Variants in TEX15 observed in about 807,000 individuals in gnomAD.
The protein encoded by TEX15 is testis-expressed protein 15.
TEX15 carries 171 observed loss-of-function variants against 237.3 expected under a neutral mutation model. The observed-to-expected ratio is 0.72, with a 90% CI of 0.64 to 0.82. The LOEUF is 0.82. TEX15 is among the 40% of genes least tolerant of loss of function. The pLI is 0.00. For synonymous variants in TEX15, 1,338 were observed against 1,269.8 expected (o/e 1.05, Z -1.14); for missense variants, 3,750 against 3,646.5 (o/e 1.03, Z -0.73).
intron 1 of TEX15, among the ~76,000 whole-genome samples, chr8:30,909,546 A>C (rs1234727352): frequency 6.6e-6 from 1 of 152,174 alleles, no homozygotes; most frequent in African/African-American, 2.4e-5. Context: ...TAAGCAAAGT[A>C]GTTCATTAAA....
chr8:30,845,686 C>G lies in TEX15; in HGVS notation c.4481G>C (p.Ser1494Thr). The change falls in exon 8 of 11, where the codon AGC (serine) becomes ACC (threonine). Residue 1494 changes from serine to threonine, a missense_variant. Transcript: ENST00000643185. ...GGTGGGGTGACTTTTTGAGACACTG[C>G]TAGCCATACTTTTCCTAGAAAGGCA... ...KKCLSRKSMA[S>T]SVSKSHPTTS... 1 of 1,613,150 alleles carries G rather than the reference C, an allele frequency of 6.2e-7. No individual in the cohort carries two copies. Among genetic ancestry groups the G allele is most frequent in the Non-Finnish European group, 8.5e-7 (1 of 1,179,528 alleles).
intron 4 of TEX15, among the ~76,000 whole-genome samples, chr8:30,871,881 A>T (rs1053450722): frequency 1.3e-5 from 2 of 152,154 alleles, no homozygotes; most frequent in Non-Finnish European, 2.9e-5. Context: ...GGTTTAAATT[A>T]TCTAAACCCA....
At chr8:30,879,428 CA>C (rs1433632706) in intron 3 of TEX15, among the ~76,000 whole-genome samples, 1 of 152,158 alleles carries the variant, frequency 6.6e-6, no homozygotes, top group East Asian at 1.9e-4. Flanking sequence ...CATTTAAGCC[CA>C]AGGTTCATTC....
rs1807484947 is a variant in TEX15, at chr8:30,842,557, G to A, written c.7610C>T (p.Ala2537Val). The change falls in exon 8 of 11, where the codon GCT becomes GTT. Residue 2537 changes from alanine (A) to valine (V), a missense_variant. Coordinates refer to ENST00000643185, the MANE Select transcript of TEX15 (RefSeq NM_001350162.2). ...AAGTTCTCTTGAGAGCAAATGAATA[G>A]CATATGAGCAATTAACAGCTTCATT... ...KYNEAVNCSY[A>V]IHLLSRELQE... 1 of 1,610,542 alleles carries A rather than the reference G, an allele frequency of 6.2e-7. No individual in the cohort carries two copies. The highest frequency in any genetic ancestry group is 1.1e-5 in the South Asian group (1 of 90,770).
At chr8:30,902,134 A>T (rs1809018565) in intron 1 of TEX15, among the ~76,000 whole-genome samples, 2 of 152,014 alleles carry the variant, frequency 1.3e-5, no homozygotes. Context: ...GGTGATTCTG[A>T]TGTAAGATAA....
intron 3 of TEX15, among the ~76,000 whole-genome samples, chr8:30,884,995 C>A (rs749359517): frequency 6.6e-6 from 1 of 152,056 alleles, no homozygotes; most frequent in African/African-American, 2.4e-5. Flanking sequence ...ACTGCTTTTG[C>A]TTTATCCTAC....
chr8:30,851,394 C>T (rs186189394), intron 7 of TEX15, among the ~76,000 whole-genome samples: 48 of 152,270 alleles, frequency 3.2e-4, no homozygotes, highest in East Asian at 3.1e-3. Context: ...CTTTGGGAGG[C>T]GGAGGCGGGC....
intron 7 of TEX15, among the ~76,000 whole-genome samples, 198 bp from the exon 8 acceptor site, chr8:30,849,514 G>T (rs1484450150): frequency 1.3e-5 from 2 of 152,114 alleles, no homozygotes; most frequent in African/African-American, 4.8e-5. Flanking sequence ...GACGTAGCAT[G>T]AAATTCTCCT....
intron 1 of TEX15, among the ~76,000 whole-genome samples, chr8:30,912,124 C>G (rs915886809): frequency 2.2e-4 from 33 of 152,336 alleles, no homozygotes; most frequent in Admixed American, 7.2e-4. Context: ...CCAGCTACCC[C>G]CGCGCCGCCC....
chr8:30,852,556 T>A (rs559536605), intron 7 of TEX15, among the ~76,000 whole-genome samples: 2 of 152,188 alleles, frequency 1.3e-5, no homozygotes, highest in Admixed American at 6.6e-5. Flanking sequence ...TCCCTTTTTG[T>A]TGGCATTCTC....
intron 3 of TEX15, among the ~76,000 whole-genome samples, chr8:30,884,118 T>G (rs901839464): frequency 6.6e-6 from 1 of 152,232 alleles, no homozygotes; most frequent in Admixed American, 6.5e-5. Flanking sequence ...CCTCAGGGCA[T>G]GAGCCACAGT....
At chr8:30,869,569 A>G (rs946073415) in intron 4 of TEX15, among the ~76,000 whole-genome samples, 2 of 151,932 alleles carry the variant, frequency 1.3e-5, no homozygotes, top group Non-Finnish European at 2.9e-5. Flanking sequence ...AGGAAGCATA[A>G]AGAGACAACT....
intron 1 of TEX15, among the ~76,000 whole-genome samples, chr8:30,909,008 T>C (rs1390216013): frequency 6.6e-6 from 1 of 152,212 alleles, no homozygotes; most frequent in African/African-American, 2.4e-5. Context: ...AACGTGTAAA[T>C]GTACCAGAGC....
At chr8:30,851,838 G>A (rs1438669558) in intron 7 of TEX15, among the ~76,000 whole-genome samples, 1 of 151,878 alleles carries the variant, frequency 6.6e-6, no homozygotes. Flanking sequence ...GGAGGCTGAG[G>A]TGGGAGGATT....
At chr8:30,880,861 T>C (rs1211625778) in intron 3 of TEX15, among the ~76,000 whole-genome samples, 1 of 152,136 alleles carries the variant, frequency 6.6e-6, no homozygotes, top group Non-Finnish European at 1.5e-5. Flanking sequence ...TGAACAATTG[T>C]TTTTTTATGT....
At chr8:30,875,569 AACAG>A (rs1410595578) in intron 3 of TEX15, among the ~76,000 whole-genome samples, 2 of 152,228 alleles carry the variant, frequency 1.3e-5, no homozygotes, top group African/African-American at 4.8e-5. Flanking sequence ...TGAAAGAGGA[AACAG>A]ACTTTCTTAG....
chr8:30,835,950 T>C (rs1807282355), intron 10 of TEX15, among the ~76,000 whole-genome samples: 1 of 152,182 alleles, frequency 6.6e-6, no homozygotes, highest in African/African-American at 2.4e-5. Context: ...ATTTTCCCAC[T>C]TTAGTTTACT....
chr8:30,888,749 T>C, intron 2 of TEX15: 1 of 948,414 alleles, frequency 1.1e-6, no homozygotes, highest in Non-Finnish European at 1.5e-6. Flanking sequence ...TCACAAAGGA[T>C]AAGGTTCTAA....
intron 3 of TEX15, among the ~76,000 whole-genome samples, chr8:30,879,327 G>C (rs1808471474): frequency 6.6e-6 from 1 of 152,022 alleles, no homozygotes. Flanking sequence ...TTGTGTTTTT[G>C]GTATCATGTC....
Sources: gnomAD v4.1 joint callset for allele counts (sites outside exome capture counted in the v4.1 genomes callset) on GRCh38, gnomAD v4.1.1 for gene constraint, MANE v1.5 for transcripts, NCBI Gene and HGNC (gene_info 2026-07-23, HGNC 2026-07-21) for gene names.